The following NAV2 variants were observed in gnomAD, a reference collection of about 807,000 sequenced individuals.
NAV2 encodes the protein neuron navigator 2, also known as helicase, APC down-regulated 1.
In NAV2, 54 loss-of-function variants were observed where a neutral mutation model predicts 223.2. That is an observed-to-expected ratio of 0.24 (90% confidence interval 0.19 to 0.30). The LOEUF (loss-of-function observed/expected upper bound fraction) is 0.30. NAV2 is among the 10% of genes least tolerant of loss of function. The pLI is 1.00. For synonymous variants in NAV2, 1,279 were observed against 1,239.3 expected, an observed-to-expected ratio of 1.03 and a Z score of -0.67; for missense variants, 2,806 against 3,147.5, an observed-to-expected ratio of 0.89 and a Z score of 2.60.
At chr11:19,744,723 T>C (rs1222055522) in intron 1 of NAV2, among the ~76,000 whole-genome samples, 1 of 152,176 alleles carries the variant, frequency 6.6e-6, no homozygotes, top group African/African-American at 2.4e-5. Flanking sequence ...TATATTCAAA[T>C]ACATCTATCC....
At chr11:19,651,063 C>T (rs1398609535) in intron 1 of NAV2, among the ~76,000 whole-genome samples, 1 of 152,110 alleles carries the variant, frequency 6.6e-6, no homozygotes, top group Non-Finnish European at 1.5e-5. Context: ...AGCTATTTGC[C>T]TGCCCTTAGT....
intron 1 of NAV2, among the ~76,000 whole-genome samples, chr11:19,821,540 A>G (rs1244729847): frequency 6.6e-6 from 1 of 152,186 alleles, no homozygotes; most frequent in East Asian, 1.9e-4. Context: ...CTGCTGCTGC[A>G]TGGGGTCCCA....
At chr11:20,018,428 T>C (rs1157685577) in intron 11 of NAV2, among the ~76,000 whole-genome samples, 1 of 151,560 alleles carries the variant, frequency 6.6e-6, no homozygotes, top group African/African-American at 2.4e-5. Context: ...TAACCTGGGC[T>C]TTATGGACAG....
chr11:19,461,553 A>T (rs1852161106), intron 1 of NAV2, among the ~76,000 whole-genome samples: 1 of 152,168 alleles, frequency 6.6e-6, no homozygotes, highest in Non-Finnish European at 1.5e-5. Flanking sequence ...TTAATTGAGA[A>T]CCTGGTATGC....
chr11:19,648,672 A>T (rs1334782222), intron 1 of NAV2, among the ~76,000 whole-genome samples: 1 of 152,182 alleles, frequency 6.6e-6, no homozygotes, highest in Non-Finnish European at 1.5e-5. Context: ...CCCCTGAGAG[A>T]TCACAGGCGT....
At position 19,787,270 on chromosome 11, in the gene NAV2, CTTTT is replaced by C. The variant is rs757183666; in HGVS notation, c.268-45189_268-45186del. Among the ~76,000 whole-genome samples the C allele has an allele frequency of 1.2e-3, 68 of 54,998 alleles. 8 individuals carry two copies. The highest frequency in any genetic ancestry group is 3.0e-3 in the African/African-American group (48 of 16,148). The allele number at this position is 54,998 out of a possible 152,430, so 36.1% of individuals were successfully genotyped here. ...CATGCCTGGCTAATTTTTATTGGAT[CTTTT>C]TTTTTTTTTTTTTTTTTTTTTTTTG... On this transcript the variant is annotated intron_variant, in intron 1 of 37. Transcript: ENST00000349880.
chr11:19,937,567 T>C (rs1401383202), intron 7 of NAV2, among the ~76,000 whole-genome samples: 2 of 152,206 alleles, frequency 1.3e-5, no homozygotes, highest in African/African-American at 4.8e-5. Context: ...TTGCTATTAT[T>C]ATCCCCATTG....
chr11:19,954,423 T>G (rs991815996), intron 10 of NAV2, among the ~76,000 whole-genome samples: 1 of 152,150 alleles, frequency 6.6e-6, no homozygotes, highest in African/African-American at 2.4e-5. Context: ...AAGTCATCCC[T>G]CAGTATCCAT....
chr11:19,454,635 C>A (rs185816488), intron 1 of NAV2, among the ~76,000 whole-genome samples: 1 of 152,234 alleles, frequency 6.6e-6, no homozygotes, highest in African/African-American at 2.4e-5. Flanking sequence ...CAGACCCAGT[C>A]CTTCTGTCAT....
At chr11:19,755,007 A>G (rs1339834437) in intron 1 of NAV2, among the ~76,000 whole-genome samples, 1 of 152,158 alleles carries the variant, frequency 6.6e-6, no homozygotes, top group African/African-American at 2.4e-5. Context: ...CACAACTTGC[A>G]AACTACAGAT....
intron 1 of NAV2, among the ~76,000 whole-genome samples, chr11:19,761,542 C>G (rs1390520298): frequency 6.6e-6 from 1 of 152,142 alleles, no homozygotes; most frequent in Non-Finnish European, 1.5e-5. Flanking sequence ...ATAGCCAACA[C>G]AAAGGCTCCA....
intron 1 of NAV2, among the ~76,000 whole-genome samples, chr11:19,493,724 G>C (rs1452252708): frequency 6.6e-6 from 1 of 152,068 alleles, no homozygotes; most frequent in Non-Finnish European, 1.5e-5. Context: ...GAGCTGCCTG[G>C]GACAGTTGCT....
At chr11:19,940,040 G>A (rs2625337) in intron 8 of NAV2, among the ~76,000 whole-genome samples, 144,549 of 152,088 alleles carry the variant, frequency 0.95, 69,181 homozygotes, top group East Asian at 1. Context: ...TTTAAGATAC[G>A]TTCAGTTTTA....
At chr11:19,597,894 A>G (rs1369190955) in intron 1 of NAV2, among the ~76,000 whole-genome samples, 1 of 152,214 alleles carries the variant, frequency 6.6e-6, no homozygotes, top group Non-Finnish European at 1.5e-5. Context: ...CTCTGTAAAG[A>G]AAATCCTGGG....
At chr11:19,700,891 C>T (rs1341691350) in intron 1 of NAV2, among the ~76,000 whole-genome samples, 9 of 152,144 alleles carry the variant, frequency 5.9e-5, no homozygotes, top group Non-Finnish European at 1.2e-4. Flanking sequence ...GGCATGTTGC[C>T]CAGCATTTGG....
At chr11:19,854,556 C>T (rs1297614420) in intron 3 of NAV2, among the ~76,000 whole-genome samples, 2 of 152,104 alleles carry the variant, frequency 1.3e-5, no homozygotes, top group East Asian at 3.9e-4. Context: ...CTGTTTGTCA[C>T]AATCTCCACC....
At chr11:20,069,118 A>G (rs2059232141) in intron 22 of NAV2, among the ~76,000 whole-genome samples, 1 of 152,116 alleles carries the variant, frequency 6.6e-6, no homozygotes, top group Non-Finnish European at 1.5e-5. Flanking sequence ...AAATAAGAAA[A>G]AAATTTTTTA....
Position 19,713,619 on chromosome 11 carries a change from T to C in NAV2, c.-77T>C. On this transcript the variant is annotated 5_prime_UTR_variant, in exon 1 of 38. Transcript: ENST00000349880. The surrounding 1 kb of genome is among the most constrained non-coding windows in gnomAD (Gnocchi z 7.2). ...GGCTAAGGCCCGGCGCCTGCTCTGC[T>C]ACCCGCGCTGCCTTTAGCGGTCGCC... The C allele has an allele frequency of 6.8e-7, 1 of 1,473,828 alleles. No individual in the cohort carries two copies. Among genetic ancestry groups the C allele is most frequent in the South Asian group, 1.5e-5 (1 of 68,648 alleles). The allele number at this position is 1,473,828 out of a possible 1,614,324, so 91.3% of individuals were successfully genotyped here. A position where few individuals can be genotyped will look rare whatever the true frequency, so the allele number is the denominator to read the frequency against.
At chr11:19,494,084 C>T (rs2134097669) in intron 1 of NAV2, among the ~76,000 whole-genome samples, 1 of 152,304 alleles carries the variant, frequency 6.6e-6, no homozygotes, top group East Asian at 1.9e-4. Context: ...AGGACCCCAA[C>T]AGATGCACAA....
Sources: allele counts gnomAD v4.1 joint callset (sites outside exome capture counted in the v4.1 genomes callset), GRCh38; gene constraint gnomAD v4.1.1; non-coding constraint Gnocchi (gnomAD v3.1); transcripts MANE v1.5; gene names NCBI Gene and HGNC (gene_info 2026-07-23, HGNC 2026-07-21).